The following GPM6A variants were observed in gnomAD, a reference collection of about 807,000 sequenced individuals.
The protein encoded by GPM6A is neuronal membrane glycoprotein M6-a.
Under a neutral mutation model 32.1 loss-of-function variants are expected in GPM6A, and 7 were observed. That is an observed-to-expected ratio of 0.22 (90% CI 0.12 to 0.41). The LOEUF (loss-of-function observed/expected upper bound fraction) is 0.41, where lower values mean the gene tolerates loss of function less well. Ranked by LOEUF, GPM6A falls within the 10% of genes least tolerant of loss-of-function variation. The pLI, the probability that GPM6A is intolerant of heterozygous loss-of-function variation, is 1.00. For synonymous variants in GPM6A, 130 were observed against 123.4 expected (o/e 1.05, Z -0.35); for missense variants, 235 against 347.2 (o/e 0.68, Z 2.57).
At chr4:175,978,968 A>C (rs866504263) in intron 1 of GPM6A, among the ~76,000 whole-genome samples, 2,874 of 151,450 alleles carry the variant, frequency 0.019, 75 homozygotes, top group African/African-American at 0.066. Context: ...TTTAAAGCAA[A>C]AAAAAAAAAA....
chr4:175,942,225 T>C (rs921567156), intron 1 of GPM6A, among the ~76,000 whole-genome samples: 2 of 152,150 alleles, frequency 1.3e-5, no homozygotes, highest in Non-Finnish European at 2.9e-5. Flanking sequence ...TTTGATGGGG[T>C]TGTTTTTTTC....
intron 4 of GPM6A, among the ~76,000 whole-genome samples, chr4:175,646,214 G>A (rs1487639044): frequency 6.6e-6 from 1 of 152,220 alleles, no homozygotes; most frequent in East Asian, 1.9e-4. Context: ...CAGAGGCTTA[G>A]CCTACACAGG....
rs531735186 is a variant in GPM6A, at chr4:175,805,551, T to C, written c.37+6640A>G. ...AGGGATAGATTTCATCCAATTCCTCTCTTTGATGGAGGTAAGTAAAGTAAA... is the reference window on the plus strand; with the variant it reads ...AGGGATAGATTTCATCCAATTCCTCCCTTTGATGGAGGTAAGTAAAGTAAA... On this transcript the variant is annotated intron_variant, in intron 1 of 6. Transcript: ENST00000393658. 2.6e-5 allele frequency among the ~76,000 whole-genome samples: 4 copies of C among 152,308 alleles called. No homozygotes were observed. In the South Asian group the frequency reaches 8.3e-4, roughly 32 times the overall value.
At chr4:175,923,481 TC>T (rs1738735859) in intron 1 of GPM6A, among the ~76,000 whole-genome samples, 1 of 151,016 alleles carries the variant, frequency 6.6e-6, no homozygotes, top group African/African-American at 2.4e-5. Context: ...AGGGGAAGGT[TC>T]CAAGCCTCCA....
At chr4:175,782,654 G>C (rs1733656730) in intron 1 of GPM6A, among the ~76,000 whole-genome samples, 2 of 152,040 alleles carry the variant, frequency 1.3e-5, no homozygotes, top group South Asian at 4.2e-4. Flanking sequence ...CACAAGTCAT[G>C]GAAATTACAG....
chr4:175,636,613 T>C (rs956680140), intron 6 of GPM6A, among the ~76,000 whole-genome samples: 8 of 149,958 alleles, frequency 5.3e-5, no homozygotes, highest in South Asian at 2.1e-4. Context: ...CTGGCCAACA[T>C]AGTGAAACCC....
At chr4:175,867,556 C>T (rs1256361534) in intron 1 of GPM6A, among the ~76,000 whole-genome samples, 1 of 151,954 alleles carries the variant, frequency 6.6e-6, no homozygotes, top group Non-Finnish European at 1.5e-5. Flanking sequence ...ATATAGTTGA[C>T]AGTATTTATG....
chr4:175,638,087 T>C (rs1477032516), intron 6 of GPM6A, among the ~76,000 whole-genome samples: 2 of 150,002 alleles, frequency 1.3e-5, no homozygotes, highest in African/African-American at 4.9e-5. Context: ...CGATTTACTT[T>C]GTCAGCATGT....
At chr4:175,698,717 A>G (rs1365457450) in intron 2 of GPM6A, among the ~76,000 whole-genome samples, 1 of 152,196 alleles carries the variant, frequency 6.6e-6, no homozygotes, top group Non-Finnish European at 1.5e-5. Context: ...GTGAAATATG[A>G]AAACAGAGAT....
intron 1 of GPM6A, among the ~76,000 whole-genome samples, chr4:175,713,643 T>C (rs1346037798): frequency 1.3e-5 from 2 of 152,162 alleles, no homozygotes; most frequent in Non-Finnish European, 2.9e-5. Flanking sequence ...CACAGAGGCA[T>C]TACCAAAAAC....
chr4:175,763,477 T>C (rs922174288), intron 1 of GPM6A, among the ~76,000 whole-genome samples: 2 of 152,212 alleles, frequency 1.3e-5, no homozygotes, highest in Non-Finnish European at 2.9e-5. Flanking sequence ...TTTTGAGGTT[T>C]TAAATAAGCA....
chr4:175,717,364 A>G (rs1745892455), intron 1 of GPM6A, among the ~76,000 whole-genome samples: 1 of 152,194 alleles, frequency 6.6e-6, no homozygotes, highest in Admixed American at 6.5e-5. Flanking sequence ...TCTGGTATTC[A>G]TTGGTGGTCA....
chr4:175,693,470 A>G, intron 2 of GPM6A, among the ~76,000 whole-genome samples: 1 of 152,176 alleles, frequency 6.6e-6, no homozygotes, highest in Non-Finnish European at 1.5e-5. Context: ...GACTAAGTGA[A>G]TTACAGACTG....
rs567294754 is a variant in GPM6A at position 175,989,233 on chromosome 4, T to C, written c.-23+13076A>G. On this transcript the variant is annotated intron_variant, in intron 1 of 7. Transcript: ENST00000280187. ...TTGTTTTAATTATGCTGTATTTTAT[T>C]TTAATTATGTTGTTTTGAATCAGTC... Among the ~76,000 whole-genome samples the C allele has an allele frequency of 2.6e-5, 4 of 152,304 alleles. No homozygotes were observed. In the South Asian group the frequency reaches 8.3e-4, roughly 32 times the overall value.
At chr4:175,637,274 TTATATATTATATAAAA>T (rs1740729296) in intron 6 of GPM6A, among the ~76,000 whole-genome samples, 8 of 69,638 alleles carry the variant, frequency 1.1e-4, no homozygotes, top group South Asian at 7.6e-4. Flanking sequence ...ATATTATATA[TTATATATTATATAAAA>T]TATATATTAT....
intron 3 of GPM6A, among the ~76,000 whole-genome samples, chr4:175,673,321 A>T (rs1264228192): frequency 6.6e-6 from 1 of 152,070 alleles, no homozygotes. Context: ...ATACAGAGAC[A>T]TATGTTTAAC....
At chr4:175,865,666 C>T (rs1249741686) in intron 1 of GPM6A, among the ~76,000 whole-genome samples, 1 of 152,116 alleles carries the variant, frequency 6.6e-6, no homozygotes, top group Non-Finnish European at 1.5e-5. Context: ...TATCCATTAA[C>T]ATTTCATATT....
chr4:175,796,053 C>T (rs1734214996), intron 1 of GPM6A: 1 of 152,188 alleles, frequency 6.6e-6, no homozygotes, highest in African/African-American at 2.4e-5. Flanking sequence ...TTCTCAAACT[C>T]TATCACTGAT....
chr4:175,636,297 T>TATATATAC lies in GPM6A; in HGVS notation c.685-1241_685-1240insGTATATAT, dbSNP rs1491118582. ...ATATATATATATATATATATATATATACATATATATATGGATTAAATAAGG... is the reference window on the plus strand; with the variant it reads ...ATATATATATATATATATATATATATATATATACACATATATATATGGATTAAATAAGG... On this transcript the variant is annotated intron_variant, in intron 6 of 6. Coordinates refer to ENST00000393658, the MANE Select transcript of GPM6A (RefSeq NM_201591.3). Among the ~76,000 whole-genome samples the TATATATAC allele has an allele frequency of 9.0e-4, 119 of 132,074 alleles. 3 individuals are homozygous for TATATATAC. The highest frequency in any genetic ancestry group is 2.4e-3 in the African/African-American group (83 of 34,860). 86.6% of individuals were successfully genotyped at this position (132,074 alleles called of 152,430 possible).
Sources: allele counts gnomAD v4.1 joint callset (sites outside exome capture counted in the v4.1 genomes callset), GRCh38; gene constraint gnomAD v4.1.1; transcripts MANE v1.5; gene names NCBI Gene and HGNC (gene_info 2026-07-23, HGNC 2026-07-21).